Variants in TCF12 observed in about 807,000 individuals in gnomAD.
TCF12 encodes the protein DNA-binding protein HTF4.
TCF12 carries 45 observed loss-of-function variants against 86.0 expected under a neutral mutation model. The observed-to-expected ratio is 0.52, with a 90% confidence interval of 0.41 to 0.67. TCF12 has a LOEUF of 0.67. Among genes scored for constraint, TCF12 ranks in the 30% least tolerant of loss-of-function variants. TCF12 has a pLI of 0.00. For missense variants in TCF12, 881 were observed against 859.9 expected (o/e 1.02, Z -0.31); for synonymous variants, 330 against 299.6 (o/e 1.10, Z -1.05).
chr15:57,226,555 C>CT (rs2058889794), intron 8 of TCF12, among the ~76,000 whole-genome samples: 1 of 152,112 alleles, frequency 6.6e-6, no homozygotes, highest in South Asian at 2.1e-4. Context: ...GACAAAAGAT[C>CT]TAACAGAAGC....
At chr15:57,230,433 CATTT>C (rs1802979190) in intron 8 of TCF12, among the ~76,000 whole-genome samples, 1 of 151,840 alleles carries the variant, frequency 6.6e-6, no homozygotes, top group African/African-American at 2.4e-5. Context: ...TTTGGCTGCC[CATTT>C]AGTTTTCCAG....
chr15:57,191,125 T>C (rs758612874), intron 6 of TCF12, among the ~76,000 whole-genome samples: 16 of 152,058 alleles, frequency 1.1e-4, no homozygotes, highest in Non-Finnish European at 1.6e-4. Flanking sequence ...AAAAAAGAGA[T>C]GGTGAGGAGG....
At chr15:57,151,548 T>C (rs748476924) in intron 5 of TCF12, among the ~76,000 whole-genome samples, 2 of 152,128 alleles carry the variant, frequency 1.3e-5, no homozygotes, top group South Asian at 4.2e-4. Flanking sequence ...GGACAGATCA[T>C]GAGATCAAGA....
chr15:57,007,891 TTC>T (rs2064546854), intron 3 of TCF12, among the ~76,000 whole-genome samples: 4 of 136,914 alleles, frequency 2.9e-5, no homozygotes, highest in South Asian at 4.8e-4. Flanking sequence ...CCTTCCTTCC[TTC>T]CTTCCTTCCT....
chr15:57,245,290 A>G (rs543153203), intron 13 of TCF12, among the ~76,000 whole-genome samples: 3 of 152,366 alleles, frequency 2.0e-5, no homozygotes, highest in South Asian at 4.1e-4. Context: ...CTCAGACACC[A>G]GGGCTTCAGC....
At chr15:56,975,560 A>T (rs2140812343) in intron 3 of TCF12, among the ~76,000 whole-genome samples, 1 of 152,280 alleles carries the variant, frequency 6.6e-6, no homozygotes, top group East Asian at 1.9e-4. Context: ...AAGCCTGCCT[A>T]GCTGTATTAT....
At chr15:57,144,996 C>T (rs2053256047) in intron 5 of TCF12, among the ~76,000 whole-genome samples, 1 of 152,152 alleles carries the variant, frequency 6.6e-6, no homozygotes, top group Non-Finnish European at 1.5e-5. Flanking sequence ...ATACTATATA[C>T]TATGAGCATT....
chr15:57,077,624 G>T (rs1202909360), intron 4 of TCF12, among the ~76,000 whole-genome samples: 1 of 150,440 alleles, frequency 6.6e-6, no homozygotes, highest in Non-Finnish European at 1.5e-5. Flanking sequence ...TAGAGACAGG[G>T]TTTCACCTTG....
chr15:57,136,214 A>G (rs1290164132), intron 5 of TCF12, among the ~76,000 whole-genome samples: 1 of 152,216 alleles, frequency 6.6e-6, no homozygotes, highest in Non-Finnish European at 1.5e-5. Context: ...TCTAAACACT[A>G]AAAATTGCTG....
At position 57,192,284 on chromosome 15, in the gene TCF12, G is replaced by A. The variant is rs765880419; in HGVS notation, c.517G>A (p.Ala173Thr). The stretch of plus-strand genomic sequence containing the variant: ...CAGGAGGAGACCACTCCATGACTCT[G>A]CAGCGCTTGGTGAGTGTATCACACA... The part of the protein sequence containing the change: ...SSRRRPLHDS[A>T]ALDPLQAKKV... The change falls in exon 7 of 21, where the codon GCA (alanine) becomes ACA (threonine). Residue 173 changes from alanine (A) to threonine (T), a missense_variant. Ala to Thr is a moderately conservative substitution (Grantham distance 58). This residue lies in a region of TCF12 where 766 missense variants were observed against 718.9 expected (regional missense o/e 1.07). Coordinates refer to ENST00000333725, the MANE Select transcript of TCF12 (RefSeq NM_207037.2). The A allele has an allele frequency of 3.0e-5, 49 of 1,613,852 alleles. No individual in the cohort carries two copies. The highest frequency in any genetic ancestry group is 4.1e-5 in the Non-Finnish European group (48 of 1,179,952).
At chr15:56,967,774 A>G (rs1446017663) in intron 3 of TCF12, among the ~76,000 whole-genome samples, 1 of 152,178 alleles carries the variant, frequency 6.6e-6, no homozygotes, top group Non-Finnish European at 1.5e-5. Flanking sequence ...GTATCAAGGC[A>G]GATGCTTTCT....
At chr15:57,195,880 C>G (rs2057239287) in intron 7 of TCF12, among the ~76,000 whole-genome samples, 1 of 152,174 alleles carries the variant, frequency 6.6e-6, no homozygotes, top group South Asian at 2.1e-4. Flanking sequence ...TGGCACACAC[C>G]TGTAGTCTAG....
chr15:56,918,406 G>C (rs1244345421), upstream of TCF12: 6 of 368,328 alleles, frequency 1.6e-5, no homozygotes, highest in Middle Eastern at 6.3e-4. Context: ...TCGTCGGCGA[G>C]CGGTCGGGGC....
At chr15:56,930,603 A>G (rs529709275) in intron 3 of TCF12, among the ~76,000 whole-genome samples, 1 of 152,360 alleles carries the variant, frequency 6.6e-6, no homozygotes, top group East Asian at 1.9e-4. Flanking sequence ...ATAGGAACAT[A>G]TAAGTTAAAA....
At chr15:57,023,305 T>C (rs2065611790) in intron 3 of TCF12, among the ~76,000 whole-genome samples, 1 of 152,216 alleles carries the variant, frequency 6.6e-6, no homozygotes, top group Non-Finnish European at 1.5e-5. Context: ...TTTATGTCTT[T>C]TATTTAATCC....
intron 3 of TCF12, among the ~76,000 whole-genome samples, chr15:56,989,741 G>A (rs1214850989): frequency 6.6e-6 from 1 of 152,166 alleles, no homozygotes; most frequent in Admixed American, 6.5e-5. Flanking sequence ...CCTAGTAGAA[G>A]TATTAACTGA....
intron 3 of TCF12, among the ~76,000 whole-genome samples, chr15:57,048,636 T>C (rs2067401688): frequency 6.6e-6 from 1 of 152,178 alleles, no homozygotes; most frequent in African/African-American, 2.4e-5. Context: ...GCACTCTCTA[T>C]CATTTAGGTA....
chr15:57,085,431 A>T (rs146649296), intron 4 of TCF12, among the ~76,000 whole-genome samples: 1 of 152,186 alleles, frequency 6.6e-6, no homozygotes, highest in Non-Finnish European at 1.5e-5. Context: ...GTCATTCATT[A>T]CATTAACAGA....
Position 57,139,022 on chromosome 15 carries a change from C to G in TCF12, c.326-27380C>G, listed in dbSNP as rs2052760985. 2.6e-5 allele frequency among the ~76,000 whole-genome samples: 4 copies of G among 152,046 alleles called. No homozygotes were observed. The South Asian group carries it at 8.3e-4, about 32-fold the overall frequency. ...CTAAAATTAAGCTTTATACATAATC[C>G]CAGTTCCAGAAAGGACCTTGAGAGG... is the stretch of plus-strand genomic sequence containing the variant. On this transcript the variant is annotated intron_variant, in intron 5 of 20. Transcript: ENST00000333725.
Sources: allele counts gnomAD v4.1 joint callset (sites outside exome capture counted in the v4.1 genomes callset), GRCh38; gene constraint gnomAD v4.1.1; regional missense constraint gnomAD v4.1.1; transcripts MANE v1.5; gene names NCBI Gene and HGNC (gene_info 2026-07-23, HGNC 2026-07-21).